Variants in TFPI observed in about 807,000 individuals in gnomAD.
TFPI encodes anti-convertin.
A neutral mutation model predicts 34.6 loss-of-function variants in TFPI; 15 were observed. That is an observed-to-expected ratio of 0.43 (90% CI 0.29 to 0.67). The LOEUF (loss-of-function observed/expected upper bound fraction) is 0.67, where lower values mean the gene tolerates loss of function less well. Among genes scored for constraint, TFPI ranks in the 30% least tolerant of loss-of-function variants. The pLI is 0.15. For missense variants in TFPI, 301 were observed against 364.0 expected (o/e 0.83, Z 1.41); for synonymous variants, 105 against 120.1 (o/e 0.87, Z 0.82).
chr2:187,534,726 C>T (rs573410902), intron 1 of TFPI, among the ~76,000 whole-genome samples: 63 of 152,000 alleles, frequency 4.1e-4, no homozygotes, highest in African/African-American at 1.5e-3. Flanking sequence ...GCAATATTAA[C>T]CTTAAATGTA....
chr2:187,529,906 T>A (rs1687874088), intron 1 of TFPI, among the ~76,000 whole-genome samples: 1 of 152,238 alleles, frequency 6.6e-6, no homozygotes, highest in South Asian at 2.1e-4. Flanking sequence ...TCAATCACAT[T>A]TCTATTGAAA....
chr2:187,470,756 CT>C (rs1691985498), intron 6 of TFPI, among the ~76,000 whole-genome samples: 2 of 152,292 alleles, frequency 1.3e-5, no homozygotes, highest in Admixed American at 1.3e-4. Context: ...GCAGAGAAAA[CT>C]TCACTAAATT....
intron 1 of TFPI, among the ~76,000 whole-genome samples, chr2:187,511,808 G>T (rs1488586487): frequency 1.3e-5 from 2 of 151,854 alleles, no homozygotes; most frequent in Non-Finnish European, 2.9e-5. Flanking sequence ...CAGAGGCAAG[G>T]AAAGACCAGC....
intron 6 of TFPI, among the ~76,000 whole-genome samples, chr2:187,474,784 T>G (rs910582974): frequency 6.6e-6 from 1 of 152,152 alleles, no homozygotes; most frequent in African/African-American, 2.4e-5. Context: ...ATTCTACTTA[T>G]AATAGTTGTA....
intron 1 of TFPI, among the ~76,000 whole-genome samples, chr2:187,549,015 C>G (rs1689000263): frequency 6.6e-6 from 1 of 152,112 alleles, no homozygotes; most frequent in Non-Finnish European, 1.5e-5. Flanking sequence ...TGAAAACTCA[C>G]ATCAGCACCA....
intron 2 of TFPI, among the ~76,000 whole-genome samples, chr2:187,500,028 A>G (rs1445845020): frequency 1.3e-5 from 2 of 152,130 alleles, no homozygotes; most frequent in African/African-American, 4.8e-5. Context: ...TTTATTCTTA[A>G]TATATTTGAT....
intron 1 of TFPI, among the ~76,000 whole-genome samples, chr2:187,552,911 T>A (rs1469083598): frequency 2.6e-5 from 4 of 152,092 alleles, no homozygotes; most frequent in African/African-American, 9.7e-5. Context: ...CTTGATTAGT[T>A]ATCTGTATTT....
At chr2:187,491,532 A>C (rs8176603) in intron 3 of TFPI, among the ~76,000 whole-genome samples, 6,281 of 152,190 alleles carry the variant, frequency 0.041, 190 homozygotes, top group South Asian at 0.11. Flanking sequence ...TTTTATTTTT[A>C]ATGGCTGAGT....
At chr2:187,528,210 G>A (rs1184884127) in intron 1 of TFPI, among the ~76,000 whole-genome samples, 1 of 152,022 alleles carries the variant, frequency 6.6e-6, no homozygotes, top group Non-Finnish European at 1.5e-5. Context: ...ATCAGAGAAG[G>A]GCGTAGGTCT....
At chr2:187,515,616 T>C (rs1197069372) in intron 1 of TFPI, 1 of 152,218 alleles carries the variant, frequency 6.6e-6, no homozygotes, top group African/African-American at 2.4e-5. Context: ...AAACTCATCA[T>C]GGGACTCATT....
chr2:187,470,191 A>G (rs1400645820), intron 6 of TFPI, among the ~76,000 whole-genome samples: 1 of 152,176 alleles, frequency 6.6e-6, no homozygotes, highest in African/African-American at 2.4e-5. Context: ...TATGTAAGAT[A>G]TATCTGCCCA....
chr2:187,543,768 G>T (rs1420727991), intron 1 of TFPI, among the ~76,000 whole-genome samples: 1 of 152,136 alleles, frequency 6.6e-6, no homozygotes, highest in African/African-American at 2.4e-5. Flanking sequence ...GTTGAGAGGG[G>T]ATGTAGCTGC....
intron 1 of TFPI, chr2:187,515,406 T>C (rs1429901397): frequency 6.6e-6 from 1 of 152,248 alleles, no homozygotes; most frequent in Non-Finnish European, 1.5e-5. Flanking sequence ...CAGTTAAACA[T>C]AACTGTGTAG....
chr2:187,513,835 C>G (rs767958982), intron 1 of TFPI: 1 of 152,222 alleles, frequency 6.6e-6, no homozygotes, highest in Non-Finnish European at 1.5e-5. Flanking sequence ...ATTAACATAA[C>G]CAAGTCAATT....
At chr2:187,544,377 A>G (rs915604024) in intron 1 of TFPI, 4 of 152,192 alleles carry the variant, frequency 2.6e-5, no homozygotes, top group African/African-American at 9.7e-5. Flanking sequence ...TTTAAAGTGT[A>G]TAATATTTAC....
chr2:187,481,819 T>G (rs1692888341), intron 6 of TFPI, among the ~76,000 whole-genome samples: 1 of 152,060 alleles, frequency 6.6e-6, no homozygotes, highest in South Asian at 2.1e-4. Flanking sequence ...TTAAATGCAG[T>G]TACGATAACA....
intron 3 of TFPI, among the ~76,000 whole-genome samples, chr2:187,488,839 A>T (rs2106036809): frequency 6.6e-6 from 1 of 151,642 alleles, no homozygotes; most frequent in African/African-American, 2.4e-5. Context: ...ATCCAATTGC[A>T]AGTTTCATTA....
intron 1 of TFPI, chr2:187,529,420 G>A (rs1687845646): frequency 6.6e-6 from 1 of 152,216 alleles, no homozygotes; most frequent in Non-Finnish European, 1.5e-5. Flanking sequence ...TTCCTGGTGA[G>A]GGCTCTCTCT....
chr2:187,544,215 T>C (rs1688729820), intron 1 of TFPI, among the ~76,000 whole-genome samples: 1 of 152,170 alleles, frequency 6.6e-6, no homozygotes, highest in Non-Finnish European at 1.5e-5. Flanking sequence ...GATGAGAGGA[T>C]ATCAACAATA....
Sources: allele counts gnomAD v4.1 joint callset (sites outside exome capture counted in the v4.1 genomes callset), GRCh38; gene constraint gnomAD v4.1.1; transcripts MANE v1.5; gene names NCBI Gene and HGNC (gene_info 2026-07-23, HGNC 2026-07-21).